CEP112: variants seen among roughly 807,000 people sequenced by gnomAD.
CEP112 encodes the protein centrosomal protein 112.
A neutral mutation model predicts 153.0 loss-of-function variants in CEP112; 127 were observed. The ratio of observed to expected loss-of-function variants is 0.83; its 90% CI spans 0.72 to 0.96. The LOEUF (loss-of-function observed/expected upper bound fraction) is 0.96, where lower values mean the gene tolerates loss of function less well. CEP112 is among the 40% of genes least tolerant of loss of function. The probability of loss-of-function intolerance (pLI) is 0.00; values close to 1 mark genes in which losing one functional copy is unlikely to be tolerated. For missense variants in CEP112, 1,089 were observed against 1,101.2 expected (o/e 0.99, Z 0.16); for synonymous variants, 358 against 374.4 (o/e 0.96, Z 0.51).
intron 16 of CEP112, among the ~76,000 whole-genome samples, chr17:66,017,396 A>G (rs970868456): frequency 1.3e-5 from 2 of 152,184 alleles, no homozygotes; most frequent in Non-Finnish European, 2.9e-5. Flanking sequence ...GTAAACATCA[A>G]TGTGTCAATG....
intron 5 of CEP112, 38 bp from the exon 6 acceptor site, chr17:66,129,861 G>C: frequency 7.8e-7 from 1 of 1,277,764 alleles, no homozygotes; most frequent in Non-Finnish European, 1.1e-6. Flanking sequence ...GGAGAGGAAG[G>C]AAAGATGGAA....
At chr17:66,124,547 T>A (rs181355940) in intron 6 of CEP112, among the ~76,000 whole-genome samples, 68 of 149,672 alleles carry the variant, frequency 4.5e-4, no homozygotes, top group Admixed American at 3.9e-3. Flanking sequence ...CTGGGGCTGG[T>A]CTAGAGGCAG....
intron 18 of CEP112, among the ~76,000 whole-genome samples, chr17:65,937,893 G>C (rs919465899): frequency 3.4e-5 from 4 of 118,606 alleles, no homozygotes; most frequent in Admixed American, 2.1e-4. Flanking sequence ...CCCTCTGCCC[G>C]GCCACCACCC....
intron 19 of CEP112, chr17:65,913,368 A>G: frequency 2.8e-6 from 1 of 351,194 alleles, no homozygotes; most frequent in Non-Finnish European, 4.0e-6. Context: ...AGATAAAATA[A>G]GGACATATAC....
intron 23 of CEP112, among the ~76,000 whole-genome samples, chr17:65,708,289 T>C (rs2049012386): frequency 6.6e-6 from 1 of 152,214 alleles, no homozygotes; most frequent in Non-Finnish European, 1.5e-5. Flanking sequence ...ATTTCTGAAA[T>C]GCTAAGTCCA....
chr17:65,678,764 C>T (rs1321761542), intron 24 of CEP112, among the ~76,000 whole-genome samples: 1 of 151,620 alleles, frequency 6.6e-6, no homozygotes, highest in Non-Finnish European at 1.5e-5. Context: ...CGGTGCTTTG[C>T]TGACACGTGG....
chr17:65,639,807 T>A (rs1456762398), intron 25 of CEP112, among the ~76,000 whole-genome samples: 1 of 149,430 alleles, frequency 6.7e-6, no homozygotes, highest in Non-Finnish European at 1.5e-5. Flanking sequence ...GTGAACCACA[T>A]CACATTTCTT....
chr17:65,726,551 T>C (rs1314144476), intron 23 of CEP112, among the ~76,000 whole-genome samples: 1 of 152,042 alleles, frequency 6.6e-6, no homozygotes, highest in East Asian at 1.9e-4. Flanking sequence ...TGCTTGTGGA[T>C]AGTGAGAACC....
chr17:66,003,470 T>C (rs532246923), intron 17 of CEP112, among the ~76,000 whole-genome samples: 2 of 152,346 alleles, frequency 1.3e-5, no homozygotes, highest in Admixed American at 1.3e-4. Flanking sequence ...AACAAGTTAA[T>C]ACCTAGTTAT....
intron 20 of CEP112, among the ~76,000 whole-genome samples, chr17:65,860,972 G>C (rs1405494743): frequency 6.6e-6 from 1 of 152,204 alleles, no homozygotes; most frequent in Non-Finnish European, 1.5e-5. Context: ...AATGAACCTT[G>C]AAAACACGCT....
intron 17 of CEP112, among the ~76,000 whole-genome samples, chr17:66,004,246 C>G (rs1303272856): frequency 6.6e-6 from 1 of 151,974 alleles, no homozygotes; most frequent in East Asian, 1.9e-4. Flanking sequence ...CTTTGGGAGG[C>G]CGAGGCGGGC....
intron 12 of CEP112, among the ~76,000 whole-genome samples, chr17:66,051,417 T>C (rs1027507714): frequency 2.0e-5 from 3 of 149,462 alleles, no homozygotes; most frequent in African/African-American, 7.3e-5. Flanking sequence ...ATATACTTAA[T>C]TTATGTATAT....
intron 8 of CEP112, among the ~76,000 whole-genome samples, chr17:66,087,570 T>C (rs1448890533): frequency 6.6e-6 from 1 of 152,214 alleles, no homozygotes; most frequent in African/African-American, 2.4e-5. Flanking sequence ...CTGAGTCTAA[T>C]GTCAGCAAGA....
At chr17:65,831,012 C>A (rs1216178150) in intron 21 of CEP112, among the ~76,000 whole-genome samples, 2 of 152,190 alleles carry the variant, frequency 1.3e-5, no homozygotes, top group African/African-American at 4.8e-5. Flanking sequence ...AAGTCTTCCC[C>A]AGAATGGGAA....
rs377438205 is a variant in CEP112, at chr17:65,980,203, C to T, written c.1737-18605G>A. On this transcript the variant is annotated intron_variant, in intron 17 of 26. Transcript: ENST00000535342. The stretch of plus-strand genomic sequence containing the variant: ...AAATTACTGTTTCTTCAAAGTCCCT[C>T]GACATTTGTGTATTCTACAACTAAA... Among the ~76,000 whole-genome samples the T allele has an allele frequency of 4.6e-5, 7 of 152,202 alleles. No homozygotes were observed. The South Asian group carries it at 1.0e-3, about 23-fold the overall frequency.
chr17:65,724,627 A>G (rs2050076612), intron 23 of CEP112, among the ~76,000 whole-genome samples: 1 of 152,230 alleles, frequency 6.6e-6, no homozygotes, highest in Non-Finnish European at 1.5e-5. Flanking sequence ...GTTTACACAC[A>G]TGTACAACAT....
At chr17:65,687,185 G>C (rs1315442320) in intron 24 of CEP112, among the ~76,000 whole-genome samples, 1 of 46,840 alleles carries the variant, frequency 2.1e-5, no homozygotes, top group Non-Finnish European at 5.0e-5. Flanking sequence ...TTTTTTTTTT[G>C]AGATGGAGTC....
chr17:65,724,315 G>C (rs1055926545), intron 23 of CEP112, among the ~76,000 whole-genome samples: 1 of 151,436 alleles, frequency 6.6e-6, no homozygotes, highest in African/African-American at 2.5e-5. Context: ...TGTACTACTA[G>C]GTTTATTTTG....
chr17:66,075,478 A>G (rs2067456728), intron 8 of CEP112, among the ~76,000 whole-genome samples: 1 of 152,146 alleles, frequency 6.6e-6, no homozygotes. Context: ...AAATAGAATA[A>G]CAAAAAAATA....
Sources: allele counts gnomAD v4.1 joint callset (sites outside exome capture counted in the v4.1 genomes callset), GRCh38; gene constraint gnomAD v4.1.1; transcripts MANE v1.5; gene names NCBI Gene and HGNC (gene_info 2026-07-23, HGNC 2026-07-21).